The following SAMTOR variants were observed in gnomAD, a reference collection of about 807,000 sequenced individuals.
SAMTOR encodes S-adenosylmethionine sensor upstream of mTORC1.
the SAMTOR span, among the ~76,000 whole-genome samples, chr7:112,883,449 T>C: frequency 6.6e-6 from 1 of 152,188 alleles, no homozygotes; most frequent in East Asian, 1.9e-4. Context: ...CAGATAATTC[T>C]AAAAAACAAT....
the SAMTOR span, among the ~76,000 whole-genome samples, chr7:112,902,521 T>TATATTCTGTATATACTGTATATACAGTA: frequency 6.6e-6 from 1 of 150,722 alleles, no homozygotes; most frequent in Non-Finnish European, 1.5e-5. Context: ...TTTAGGGCAG[T>TATATTCTGTATATACTGTATATACAGTA]TAAACTATTC....
the SAMTOR span, among the ~76,000 whole-genome samples, chr7:112,883,203 C>T: frequency 2.0e-5 from 3 of 152,126 alleles, no homozygotes; most frequent in African/African-American, 7.2e-5. Flanking sequence ...ACTGCCACTA[C>T]TCCTTCCCCT....
the SAMTOR span, among the ~76,000 whole-genome samples, chr7:112,830,996 G>A: frequency 6.6e-6 from 1 of 151,384 alleles, no homozygotes; most frequent in Non-Finnish European, 1.5e-5. Context: ...TGATGGAGAG[G>A]TTCAAACCTA....
At chr7:112,827,997 G>GTA in the SAMTOR span, among the ~76,000 whole-genome samples, 1 of 152,140 alleles carries the variant, frequency 6.6e-6, no homozygotes, top group Non-Finnish European at 1.5e-5. Context: ...TATTACAGGT[G>GTA]TAAGCCACCA....
At chr7:112,823,392 CCCTT>C in the SAMTOR span, among the ~76,000 whole-genome samples, 1 of 152,150 alleles carries the variant, frequency 6.6e-6, no homozygotes, top group Admixed American at 6.5e-5. Context: ...CCTTTATAGT[CCCTT>C]CCTTCTCTTC....
the SAMTOR span, among the ~76,000 whole-genome samples, chr7:112,937,967 TA>T: frequency 6.6e-6 from 1 of 151,862 alleles, no homozygotes. Flanking sequence ...CATTTATGAA[TA>T]AATGAATAAT....
chr7:112,914,175 A>G, the SAMTOR span, among the ~76,000 whole-genome samples: 4 of 152,164 alleles, frequency 2.6e-5, no homozygotes, highest in African/African-American at 9.7e-5. Flanking sequence ...TTTGAATAAA[A>G]ATGGAAAGAA....
chr7:112,833,676 C>T, the SAMTOR span, among the ~76,000 whole-genome samples: 2 of 152,230 alleles, frequency 1.3e-5, no homozygotes, highest in African/African-American at 4.8e-5. Context: ...AATTTTCTTT[C>T]TCAATGAAGT....
At chr7:112,850,557 TTAC>T in the SAMTOR span, among the ~76,000 whole-genome samples, 5 of 152,192 alleles carry the variant, frequency 3.3e-5, no homozygotes, top group African/African-American at 1.2e-4. Flanking sequence ...GGGAGAGTTT[TTAC>T]TACTGATTCA....
the SAMTOR span, among the ~76,000 whole-genome samples, chr7:112,921,673 G>C: frequency 2.1e-5 from 3 of 145,318 alleles, no homozygotes; most frequent in African/African-American, 7.8e-5. Context: ...CTACAAAATG[G>C]AAGAAAATTT....
At chr7:112,822,678 G>A in the SAMTOR span, among the ~76,000 whole-genome samples, 1 of 152,034 alleles carries the variant, frequency 6.6e-6, no homozygotes, top group East Asian at 1.9e-4. Flanking sequence ...TTGGGTAGGA[G>A]TTTACAGGAA....
At chr7:112,860,029 A>T in the SAMTOR span, among the ~76,000 whole-genome samples, 3 of 152,198 alleles carry the variant, frequency 2.0e-5, no homozygotes, top group Admixed American at 2.0e-4. Context: ...CATTCGTGGT[A>T]AGTGCACTAT....
At chr7:112,882,120 C>T in the SAMTOR span, among the ~76,000 whole-genome samples, 1 of 152,218 alleles carries the variant, frequency 6.6e-6, no homozygotes, top group Admixed American at 6.5e-5. Context: ...CAGCAGCAGG[C>T]TTGTCTGGAG....
chr7:112,871,240 C>T, the SAMTOR span, among the ~76,000 whole-genome samples: 2 of 152,154 alleles, frequency 1.3e-5, no homozygotes, highest in African/African-American at 4.8e-5. Flanking sequence ...ACACACAGAA[C>T]GTAGTCTAAG....
chr7:112,912,802 CGATT>C, the SAMTOR span, among the ~76,000 whole-genome samples: 3 of 151,724 alleles, frequency 2.0e-5, no homozygotes, highest in African/African-American at 4.8e-5. Flanking sequence ...GATAATATAA[CGATT>C]GATAAAACAA....
the SAMTOR span, among the ~76,000 whole-genome samples, chr7:112,823,695 A>G: frequency 1.6e-4 from 25 of 152,168 alleles, no homozygotes; most frequent in Non-Finnish European, 1.5e-4. Flanking sequence ...TTGGGTGGCT[A>G]GATCATACAG....
the SAMTOR span, among the ~76,000 whole-genome samples, chr7:112,856,365 T>C: frequency 6.6e-6 from 1 of 151,870 alleles, no homozygotes; most frequent in Non-Finnish European, 1.5e-5. Flanking sequence ...TTGTCATGCC[T>C]CAGCCACCTG....
the SAMTOR span, among the ~76,000 whole-genome samples, chr7:112,840,975 C>T: frequency 1.3e-5 from 2 of 152,042 alleles, no homozygotes; most frequent in East Asian, 3.9e-4. Context: ...CAGCCAATAT[C>T]ATACTGAATA....
At chr7:112,889,390 T>G in the SAMTOR span, among the ~76,000 whole-genome samples, 10 of 152,322 alleles carry the variant, frequency 6.6e-5, no homozygotes, top group East Asian at 1.9e-3. Flanking sequence ...CGTATCCCAT[T>G]TGCAATTGCC....
Sources: allele counts gnomAD v4.1 joint callset (sites outside exome capture counted in the v4.1 genomes callset), GRCh38; gene constraint gnomAD v4.1.1; transcripts MANE v1.5; gene names NCBI Gene and HGNC (gene_info 2026-07-23, HGNC 2026-07-21).